PROSER1: variants seen among roughly 807,000 people sequenced by gnomAD.
PROSER1 encodes proline and serine rich 1, also known as proline and serine-rich protein 1.
Under a neutral mutation model 71.8 loss-of-function variants are expected in PROSER1, and 36 were observed. The observed-to-expected ratio is 0.50, with a 90% CI of 0.38 to 0.66. PROSER1 has a LOEUF of 0.66. PROSER1 is among the 30% of genes least tolerant of loss of function. PROSER1 has a pLI of 0.00. For missense variants in PROSER1, 1,107 were observed against 1,135.0 expected, an observed-to-expected ratio of 0.98 and a Z score of 0.35; for synonymous variants, 490 against 452.4, an observed-to-expected ratio of 1.08 and a Z score of -1.06.
In PROSER1 at chr13:39,010,551, A is replaced by T. The variant is rs1199370424; in HGVS notation, c.*814T>A. 6.5e-6 allele frequency: 1 copy of T among 152,684 alleles called. No homozygotes were observed. Among genetic ancestry groups the T allele is most frequent in the African/African-American group, 2.4e-5 (1 of 41,472 alleles). The allele number at this position is 152,684 out of a possible 1,614,324, so 9.5% of individuals were successfully genotyped here. A position where few individuals can be genotyped will look rare whatever the true frequency, so the allele number is the denominator to read the frequency against. ...CTTAAAGTACAAATAGAAATACTAC[A>T]TCCCATAATTGTAAACATTCACCAG... On this transcript the variant is annotated 3_prime_UTR_variant, in exon 13 of 13. Transcript: ENST00000352251.
chr13:39,024,571 A>T lies in PROSER1; in HGVS notation c.481-15T>A. On this transcript the variant is annotated splice_polypyrimidine_tract_variant and intron_variant, in intron 6 of 12. Transcript: ENST00000352251. ...AAAGGAGTTCCCTATTAAAAAAAAA[A>T]AAAAAAGGTAATTGAAACTTAAAAA... The T allele has an allele frequency of 1.9e-6, 3 of 1,544,886 alleles. No individual in the cohort carries two copies. The highest frequency in any genetic ancestry group is 2.6e-6 in the Non-Finnish European group (3 of 1,141,784).
In PROSER1 at chr13:39,013,566, G is replaced by A; in HGVS notation, c.1686C>T (p.Ala562=). 1.2e-6 allele frequency: 2 copies of A among 1,614,132 alleles called. No individual in the cohort carries two copies. The highest frequency in any genetic ancestry group is 1.7e-6 in the Non-Finnish European group (2 of 1,180,020). Residue 562 remains alanine, a synonymous_variant, in exon 11 of 13, where the codon GCC becomes GCT. Transcript: ENST00000352251. The part of the protein sequence containing the change: ...PLTLPVQSPL[A]TAASASTSVP... ...CTGACGTGGAAGCTGATGCAGCAGT[G>A]GCTAAAGGAGACTGTACAGGCAATG...
At chr13:39,012,328 C>T in intron 11 of PROSER1, 95 bp from the exon 12 acceptor site, 1 of 1,352,342 alleles carries the variant, frequency 7.4e-7, no homozygotes, top group Non-Finnish European at 1.0e-6. Flanking sequence ...ATGTTAAAAA[C>T]AAAACAAAAA....
chr13:39,021,383 C>A (rs1870283467), intron 9 of PROSER1, among the ~76,000 whole-genome samples: 1 of 152,016 alleles, frequency 6.6e-6, no homozygotes. Context: ...GGCAGAAAGT[C>A]CCCCAGCTCT....
chr13:39,031,076 T>C (rs1366495081), intron 3 of PROSER1, among the ~76,000 whole-genome samples: 1 of 152,160 alleles, frequency 6.6e-6, no homozygotes, highest in Non-Finnish European at 1.5e-5. Context: ...AGCTGTGCTA[T>C]CCATATAGTA....
At position 39,012,820 on chromosome 13, in the gene PROSER1, G is replaced by A. The variant is rs771254099; in HGVS notation, c.2432C>T (p.Ala811Val). Residue 811 changes from alanine (A) to valine (V), a missense_variant, in exon 11 of 13, where the codon GCG becomes GTG. Transcript: ENST00000352251. ...TGTGACAGCTGCGACTGTAGAGGGC[G>A]CCTGCAGCCCCGGGAATGAGGGAAG... ...PALPSFPGLQ[A>V]PSTVAAVTPL... is the part of the protein sequence containing the mutation. 27 of 1,614,090 alleles carry A rather than the reference G, an allele frequency of 1.7e-5. No homozygotes were observed. The highest frequency in any genetic ancestry group is 8.0e-5 in the African/African-American group (6 of 74,942).
At chr13:39,027,079 G>A (rs1870581667) in intron 5 of PROSER1, among the ~76,000 whole-genome samples, 1 of 148,072 alleles carries the variant, frequency 6.8e-6, no homozygotes, top group South Asian at 2.1e-4. Flanking sequence ...GAAATATCCA[G>A]CTATACATAT....
rs886308986 is a variant in PROSER1 at position 39,024,460 on chromosome 13, T to C, written c.564+13A>G. On this transcript the variant is annotated intron_variant, in intron 7 of 12. Transcript: ENST00000352251. ...AAGGAGTTTGGGCTTGTTTCATCAT[T>C]TTCTAAACATACTGGTTTGGATGGC... The C allele has an allele frequency of 2.5e-6, 4 of 1,594,000 alleles. No individual in the cohort carries two copies. The highest frequency in any genetic ancestry group is 3.4e-6 in the Non-Finnish European group (4 of 1,164,660).
In PROSER1 at chr13:39,011,293, T is replaced by A. The variant is rs1295804130; in HGVS notation, c.*72A>T. On this transcript the variant is annotated 3_prime_UTR_variant, in exon 13 of 13. Coordinates refer to ENST00000352251, the MANE Select transcript of PROSER1 (RefSeq NM_025138.5). ...TTCCGACTTTTGGCCAGCTTCACAT[T>A]TGTCAGATTGTTCATTGCAGTTCTC... The A allele has an allele frequency of 4.0e-6, 6 of 1,493,058 alleles. No homozygotes were observed. Among genetic ancestry groups the A allele is most frequent in the Non-Finnish European group, 5.5e-6 (6 of 1,087,494 alleles). 92.5% of individuals were successfully genotyped at this position (1,493,058 alleles called of 1,614,324 possible).
At chr13:39,020,657 T>A (rs971014493) in intron 9 of PROSER1, among the ~76,000 whole-genome samples, 1 of 152,184 alleles carries the variant, frequency 6.6e-6, no homozygotes. Context: ...TAAGCTAAAT[T>A]AGTCTACCAG....
chr13:39,018,780 T>C (rs1307431185), intron 9 of PROSER1, among the ~76,000 whole-genome samples: 7 of 151,506 alleles, frequency 4.6e-5, no homozygotes, highest in Non-Finnish European at 2.9e-5. Flanking sequence ...CAGAGGAAAA[T>C]GCAACAATTA....
At chr13:39,033,992 C>A in intron 2 of PROSER1, 139 bp downstream of exon 2, 1 of 572,070 alleles carries the variant, frequency 1.7e-6, no homozygotes. Flanking sequence ...GAGTTTTCTG[C>A]CAAAACTGAG....
intron 10 of PROSER1, 151 bp downstream of exon 10, chr13:39,017,349 T>A: frequency 1.6e-6 from 1 of 628,650 alleles, no homozygotes; most frequent in South Asian, 1.9e-5. Flanking sequence ...GTAACACTAG[T>A]AAACCACTTT....
intron 1 of PROSER1, 55 bp downstream of exon 1, chr13:39,037,143 G>T (rs1042624787): frequency 3.8e-6 from 5 of 1,316,304 alleles, no homozygotes; most frequent in South Asian, 1.2e-5. Context: ...CTCAAAGAGA[G>T]TCTAAAACAC....
At chr13:39,020,167 A>C (rs889209464) in intron 9 of PROSER1, among the ~76,000 whole-genome samples, 4 of 152,042 alleles carry the variant, frequency 2.6e-5, no homozygotes, top group Admixed American at 6.6e-5. Context: ...AAATATCTCT[A>C]AATTCTATAG....
chr13:39,016,505 A>T (rs907729983), intron 10 of PROSER1, among the ~76,000 whole-genome samples: 2 of 152,346 alleles, frequency 1.3e-5, no homozygotes, highest in Admixed American at 6.5e-5. Context: ...ATAAAATCTT[A>T]ATCATGCTAA....
rs758697111 is a variant in PROSER1, at chr13:39,023,121, T to G, written c.574A>C (p.Thr192Pro). 1 of 1,612,748 alleles carries G rather than the reference T, an allele frequency of 6.2e-7. No individual in the cohort carries two copies. ...ILGPSKPPPS[T>P]YNPHKPVPYP... ...GGAACAGGTTTATGTGGATTATATG[T>G]TGAAGGAGGCTAAAACATGGGGGAA... is the stretch of plus-strand genomic sequence containing the variant. Residue 192 changes from threonine to proline, a missense_variant, in exon 8 of 13, where the codon ACA becomes CCA. Coordinates refer to ENST00000352251, the MANE Select transcript of PROSER1 (RefSeq NM_025138.5).
chr13:39,011,871 A>G (rs12430450), intron 12 of PROSER1, among the ~76,000 whole-genome samples: 30,822 of 152,194 alleles, frequency 0.2, 3,679 homozygotes, highest in African/African-American at 0.33. Flanking sequence ...TCATACAGAT[A>G]ACTATATCCT....
chr13:39,024,616 A>C (rs896263077), intron 6 of PROSER1, 60 bp from the exon 7 acceptor site: 5 of 1,175,398 alleles, frequency 4.3e-6, no homozygotes, highest in Non-Finnish European at 3.6e-6. Context: ...CAAACCAGTA[A>C]CAATAACCAA....
Sources: allele counts gnomAD v4.1 joint callset (sites outside exome capture counted in the v4.1 genomes callset), GRCh38; gene constraint gnomAD v4.1.1; transcripts MANE v1.5; gene names NCBI Gene and HGNC (gene_info 2026-07-23, HGNC 2026-07-21).